ZFC3H1: variants seen among roughly 807,000 people sequenced by gnomAD.
ZFC3H1 encodes zinc finger C3H1-type containing.
ZFC3H1 carries 71 observed loss-of-function variants against 243.7 expected under a neutral mutation model. That is an observed-to-expected ratio of 0.29 (90% CI 0.24 to 0.36). The LOEUF (loss-of-function observed/expected upper bound fraction) is 0.36. Ranked by LOEUF, ZFC3H1 falls within the 10% of genes least tolerant of loss-of-function variation. The pLI, the probability that ZFC3H1 is intolerant of heterozygous loss-of-function variation, is 1.00. For missense variants in ZFC3H1, 1,966 were observed against 2,317.1 expected, an observed-to-expected ratio of 0.85 and a Z score of 3.11; for synonymous variants, 838 against 813.0, an observed-to-expected ratio of 1.03 and a Z score of -0.52.
chr12:71,644,949 T>C lies in ZFC3H1; in HGVS notation c.1207A>G (p.Lys403Glu), dbSNP rs369818142. 5.6e-6 allele frequency: 9 copies of C among 1,613,190 alleles called. No individual in the cohort carries two copies. Among genetic ancestry groups the C allele is most frequent in the Non-Finnish European group, 7.6e-6 (9 of 1,180,028 alleles). The stretch of plus-strand genomic sequence containing the variant: ...ACTTTTTGCTGTACAGTTTTCGTCT[T>C]AGTCAACTTTTCTTTGCTTTCTTTC... Reference protein sequence around the residue: ...VMKESKEKLTKTKTVQQKVKT... With the variant: ...VMKESKEKLTETKTVQQKVKT... Residue 403 changes from lysine (K) to glutamate (E), a missense_variant, in exon 4 of 35, where the codon AAG becomes GAG. Lys to Glu is a moderately conservative substitution (Grantham distance 56). Coordinates refer to ENST00000378743, the MANE Select transcript of ZFC3H1 (RefSeq NM_144982.5).
intron 27 of ZFC3H1, among the ~76,000 whole-genome samples, chr12:71,616,994 A>G (rs1268718848): frequency 1.3e-5 from 2 of 152,158 alleles, no homozygotes; most frequent in Non-Finnish European, 2.9e-5. Context: ...TTAATCTTCA[A>G]ATTGACTTGA....
At position 71,610,897 on chromosome 12, in the gene ZFC3H1, T is replaced by C. The variant is rs1047979700; in HGVS notation, c.5770-140A>G. 2.1e-6 allele frequency: 3 copies of C among 1,408,494 alleles called. No individual in the cohort carries two copies. In the South Asian group the frequency reaches 3.9e-5, roughly 18 times the overall value. The allele number at this position is 1,408,494 out of a possible 1,614,324, so 87.2% of individuals were successfully genotyped here. A position where few individuals can be genotyped will look rare whatever the true frequency, so the allele number is the denominator to read the frequency against. Reference sequence around the variant, plus strand: ...GCTGAGTTTTGGAGTTTCCGAATATTTGGTACTCTTAAAATGTTAACTACT... The same window carrying C: ...GCTGAGTTTTGGAGTTTCCGAATATCTGGTACTCTTAAAATGTTAACTACT... On this transcript the variant is annotated intron_variant, in intron 33 of 34. Coordinates refer to ENST00000378743, the MANE Select transcript of ZFC3H1 (RefSeq NM_144982.5).
In ZFC3H1 at chr12:71,614,831, TAC is replaced by T; in HGVS notation, c.5360+1_5360+2del. The T allele has an allele frequency of 6.2e-7, 1 of 1,612,100 alleles. No homozygotes were observed. The highest frequency in any genetic ancestry group is 8.5e-7 in the Non-Finnish European group (1 of 1,178,630). On this transcript the variant is annotated splice_donor_variant, in intron 29 of 34. Coordinates refer to ENST00000378743, the MANE Select transcript of ZFC3H1 (RefSeq NM_144982.5). LOFTEE classifies it high-confidence loss of function. ...CATTCTTATCAAGAAAACCTAAACT[TAC>T]TCCATCCATATCTTCTGTACTATAT...
intron 5 of ZFC3H1, among the ~76,000 whole-genome samples, chr12:71,643,635 A>C (rs1299475680): frequency 6.6e-6 from 1 of 152,150 alleles, no homozygotes; most frequent in Non-Finnish European, 1.5e-5. Context: ...ATACATAGTA[A>C]ATGTTCAACA....
intron 33 of ZFC3H1, 84 bp from the exon 34 acceptor site, chr12:71,610,841 T>C: frequency 6.8e-7 from 1 of 1,480,800 alleles, no homozygotes; most frequent in Non-Finnish European, 9.3e-7. Flanking sequence ...AGAATGGTAA[T>C]TCACAATAAC....
chr12:71,646,872 G>A (rs532362618), intron 3 of ZFC3H1, among the ~76,000 whole-genome samples: 4 of 152,334 alleles, frequency 2.6e-5, no homozygotes, highest in African/African-American at 4.8e-5. Flanking sequence ...AGCTAAGCTC[G>A]TTAGTTCCCA....
At chr12:71,623,015 C>T (rs1674601204) in intron 24 of ZFC3H1, among the ~76,000 whole-genome samples, 1 of 134,528 alleles carries the variant, frequency 7.4e-6, no homozygotes, top group South Asian at 2.4e-4. Flanking sequence ...TAAACTTCCA[C>T]CTTAATGGAC....
intron 21 of ZFC3H1, among the ~76,000 whole-genome samples, chr12:71,627,173 T>C (rs1148992): frequency 0.37 from 55,581 of 151,788 alleles, 11,991 homozygotes; most frequent in East Asian, 0.79. Flanking sequence ...GTTATAATTA[T>C]GAAAAGATTA....
chr12:71,633,574 A>G (rs759039094), intron 12 of ZFC3H1, 136 bp from the exon 13 acceptor site: 6 of 622,196 alleles, frequency 9.6e-6, no homozygotes, highest in Non-Finnish European at 1.6e-5. Context: ...AAAGGGATGA[A>G]TATTTTTATA....
intron 21 of ZFC3H1, among the ~76,000 whole-genome samples, chr12:71,626,695 C>T (rs1044471229): frequency 1.3e-5 from 2 of 152,152 alleles, no homozygotes; most frequent in African/African-American, 4.8e-5. Context: ...GATAAAAGTA[C>T]AGTGTTATAA....
chr12:71,614,444 C>A, intron 30 of ZFC3H1, 91 bp downstream of exon 30: 2 of 1,222,566 alleles, frequency 1.6e-6, no homozygotes, highest in South Asian at 1.9e-5. Flanking sequence ...CTAGGAAAAG[C>A]TCTCTTGATA....
In ZFC3H1 at chr12:71,636,877, T is replaced by C. The variant is rs1240247695; in HGVS notation, c.1908A>G (p.Leu636=). 1.9e-6 allele frequency: 3 copies of C among 1,614,054 alleles called. No individual in the cohort carries two copies. Among genetic ancestry groups the C allele is most frequent in the South Asian group, 2.2e-5 (2 of 91,080 alleles). The change falls in exon 8 of 35, where the codon CTA becomes CTG. Residue 636 remains leucine, a synonymous_variant. Coordinates refer to ENST00000378743, the MANE Select transcript of ZFC3H1 (RefSeq NM_144982.5). Reference sequence around the variant, plus strand: ...CTGGCTTAAAAGCTCTTTTATTTGCTAGAGATTTAAGTAGTTCTTCTCGAA... The same window carrying C: ...CTGGCTTAAAAGCTCTTTTATTTGCCAGAGATTTAAGTAGTTCTTCTCGAA... ...MLLREELLKS[L]ANKRAFKPEE...
At position 71,615,275 on chromosome 12, in the gene ZFC3H1, C is replaced by T. The variant is rs762379207; in HGVS notation, c.5186G>A (p.Arg1729His). 32 of 1,612,636 alleles carry T rather than the reference C, an allele frequency of 2.0e-5. No homozygotes were observed. The highest frequency in any genetic ancestry group is 6.6e-5 in the South Asian group (6 of 90,812). The change falls in exon 28 of 35, where the codon CGT becomes CAT. Residue 1729 changes from arginine to histidine, a missense_variant. By Grantham distance (29) the Arg-to-His change is conservative. Around this residue, in one of 4 missense-constraint regions of ZFC3H1, gnomAD observed 1,383 missense variants for 1,723.7 expected, o/e 0.80. Transcript: ENST00000378743. Reference protein sequence around the residue: ...NIPGPIDIPSRLCKGNFDDDM... With the variant: ...NIPGPIDIPSHLCKGNFDDDM... The stretch of plus-strand genomic sequence containing the variant: ...ATCATCAAAATTCCCTTTACATAAA[C>T]GAGATGGAATGTCAATTGGTCCTGG...
intron 12 of ZFC3H1, 138 bp from the exon 13 acceptor site, chr12:71,633,576 AT>A: frequency 1.6e-6 from 1 of 622,692 alleles, no homozygotes; most frequent in Non-Finnish European, 2.7e-6. Context: ...AGGGATGAAT[AT>A]TTTTATATTC....
At position 71,610,287 on chromosome 12, in the gene ZFC3H1, G is replaced by C; in HGVS notation, c.*141C>G. 9.9e-7 allele frequency: 1 copy of C among 1,006,606 alleles called. No individual in the cohort carries two copies. The highest frequency in any genetic ancestry group is 1.4e-6 in the Non-Finnish European group (1 of 690,920). 62.4% of individuals were successfully genotyped at this position (1,006,606 alleles called of 1,614,324 possible). A position where few individuals can be genotyped will look rare whatever the true frequency, so the allele number is the denominator to read the frequency against. On this transcript the variant is annotated 3_prime_UTR_variant, in exon 35 of 35. Transcript: ENST00000378743. ...TCATTGCTTCCGGTTTTGAGGACAG[G>C]ATATTGTAGGGAACTTGATATGATC... is the stretch of plus-strand genomic sequence containing the variant.
rs1880415812 is a variant in ZFC3H1, at chr12:71,634,712, C to G, written c.2352G>C (p.Glu784Asp). 1 of 1,587,456 alleles carries G rather than the reference C, an allele frequency of 6.3e-7. No individual in the cohort carries two copies. The highest frequency in any genetic ancestry group is 8.5e-7 in the Non-Finnish European group (1 of 1,171,672). The change falls in exon 11 of 35, where the codon GAG becomes GAC. Residue 784 changes from glutamate (E) to aspartate (D), a missense_variant. Transcript: ENST00000378743. ...CATAAAATTACACTTACTTGGCAAT[C>G]TCTTCCTTTAACAATCTATATTCAA... ...KKIEYRLLKE[E>D]IANREKQRLI...
intron 2 of ZFC3H1, among the ~76,000 whole-genome samples, chr12:71,649,190 A>T (rs1452726160): frequency 6.6e-6 from 1 of 152,232 alleles, no homozygotes; most frequent in African/African-American, 2.4e-5. Context: ...AACACTAAGA[A>T]TGCAGAAAAC....
intron 24 of ZFC3H1, 65 bp from the exon 25 acceptor site, chr12:71,620,380 T>C (rs1443723798): frequency 1.3e-6 from 2 of 1,530,150 alleles, no homozygotes; most frequent in Admixed American, 3.4e-5. Context: ...TTGACTGTGT[T>C]ACTTCAACTC....
In ZFC3H1 at chr12:71,633,246, G is replaced by A; in HGVS notation, c.2685+18C>T. The A allele has an allele frequency of 6.4e-7, 1 of 1,561,828 alleles. No homozygotes were observed. The highest frequency in any genetic ancestry group is 8.6e-7 in the Non-Finnish European group (1 of 1,160,002). On this transcript the variant is annotated intron_variant, in intron 13 of 34. Coordinates refer to ENST00000378743, the MANE Select transcript of ZFC3H1 (RefSeq NM_144982.5). Reference sequence around the variant, plus strand: ...AATGTGTAGTAAACAGGAGACTACAGTATTTTAAAATAATTACTTGTTCCT... The same window carrying A: ...AATGTGTAGTAAACAGGAGACTACAATATTTTAAAATAATTACTTGTTCCT...
Sources: allele counts gnomAD v4.1 joint callset (sites outside exome capture counted in the v4.1 genomes callset), GRCh38; gene constraint gnomAD v4.1.1; regional missense constraint gnomAD v4.1.1; transcripts MANE v1.5; gene names NCBI Gene and HGNC (gene_info 2026-07-23, HGNC 2026-07-21).